The following PRH1 variants were observed in gnomAD, a reference collection of about 807,000 sequenced individuals.
The protein encoded by PRH1 is proline rich protein HaeIII subfamily 1.
In PRH1, 7 loss-of-function variants were observed where a neutral mutation model predicts 7.9. That is an observed-to-expected ratio of 0.89 (90% CI 0.50 to 1.67). PRH1 has a LOEUF of 1.67. Among genes scored for constraint, PRH1 ranks in the 40% most tolerant of loss-of-function variants. PRH1 has a pLI of 0.00. For synonymous variants in PRH1, 45 were observed against 80.8 expected (o/e 0.56, Z 2.38); for missense variants, 109 against 223.6 (o/e 0.49, Z 3.27).
chr12:10,986,389 ATTC>A, intron 1 of PRH1: 1 of 1,614,086 alleles, frequency 6.2e-7, no homozygotes, highest in Non-Finnish European at 8.5e-7. Context: ...TTTCCTTCAT[ATTC>A]TTCTGCCCAC....
In PRH1 at chr12:11,043,963, C is replaced by G. The variant is rs184191730; in HGVS notation, c.-126+3057G>C. Among the ~76,000 whole-genome samples the G allele has an allele frequency of 1.1e-4, 17 of 152,148 alleles. No homozygotes were observed. In the East Asian group the frequency reaches 3.3e-3, roughly 29 times the overall value. The stretch of plus-strand genomic sequence containing the variant: ...CAATCCTAAAATTTATATGGAGCCA[C>G]AACTGACCCAGAATAGCCAAAAGTA... On this transcript the variant is annotated intron_variant, in intron 1 of 3. Transcript: ENST00000539853.
chr12:11,110,772 T>C (rs891125549), intron 1 of PRH1, among the ~76,000 whole-genome samples: 1 of 152,142 alleles, frequency 6.6e-6, no homozygotes, highest in East Asian at 1.9e-4. Flanking sequence ...CCAGCTAGCA[T>C]CATAATTATA....
chr12:11,124,821 A>G (rs1245494583), intron 1 of PRH1, among the ~76,000 whole-genome samples: 1 of 152,004 alleles, frequency 6.6e-6, no homozygotes, highest in Non-Finnish European at 1.5e-5. Context: ...GTGGGAGAAC[A>G]CTATTATTCT....
intron 1 of PRH1, chr12:10,997,084 G>A (rs1940293810): frequency 1.9e-6 from 3 of 1,613,900 alleles, no homozygotes; most frequent in African/African-American, 1.3e-5. Flanking sequence ...CAAAAGCTTG[G>A]CAAAGCATTA....
intron 1 of PRH1, among the ~76,000 whole-genome samples, chr12:11,017,913 C>T (rs1040339753): frequency 6.6e-6 from 1 of 152,114 alleles, no homozygotes; most frequent in African/African-American, 2.4e-5. Flanking sequence ...GAGGATATTG[C>T]TCTGATGTGT....
chr12:11,171,339 G>T (rs1947836710), intron 1 of PRH1: 1 of 1,229,618 alleles, frequency 8.1e-7, no homozygotes, highest in Non-Finnish European at 1.0e-6. Context: ...ACGCTGGGCG[G>T]GCGGCGACAC....
intron 1 of PRH1, among the ~76,000 whole-genome samples, chr12:11,033,471 G>C (rs1290350188): frequency 6.6e-6 from 1 of 152,320 alleles, no homozygotes; most frequent in East Asian, 1.9e-4. Context: ...TTCTCCTGCA[G>C]AGAAACATAA....
intron 1 of PRH1, among the ~76,000 whole-genome samples, chr12:11,168,259 AG>A (rs1366451614): frequency 2.5e-5 from 1 of 39,892 alleles, no homozygotes; most frequent in African/African-American, 7.3e-5. Flanking sequence ...AAAGAAAGAA[AG>A]AAAGAAAGAA....
intron 2 of PRH1, among the ~76,000 whole-genome samples, chr12:10,910,340 TG>T (rs1949878719): frequency 6.6e-6 from 1 of 152,140 alleles, no homozygotes; most frequent in Admixed American, 6.6e-5. Context: ...TAATAAAAGT[TG>T]CCAGGGGTTG....
chr12:11,029,755 T>C (rs1032543473), intron 1 of PRH1, among the ~76,000 whole-genome samples: 15 of 152,238 alleles, frequency 9.9e-5, no homozygotes, highest in African/African-American at 2.7e-4. Context: ...GTACCGCTTA[T>C]GGTAGACATA....
At chr12:11,088,454 G>GA (rs1944782164) in intron 1 of PRH1, among the ~76,000 whole-genome samples, 1 of 105,088 alleles carries the variant, frequency 9.5e-6, no homozygotes, top group South Asian at 2.6e-4. Flanking sequence ...AATACCAGAA[G>GA]AAAAGAAATC....
At chr12:10,996,312 G>A (rs1423883737) in intron 1 of PRH1, among the ~76,000 whole-genome samples, 1 of 151,388 alleles carries the variant, frequency 6.6e-6, no homozygotes, top group Non-Finnish European at 1.5e-5. Flanking sequence ...CTGGACAACA[G>A]GGCAAGACTC....
upstream of PRH1, chr12:11,171,572 C>CT (rs1947847558): frequency 8.1e-7 from 1 of 1,231,926 alleles, no homozygotes; most frequent in Non-Finnish European, 1.0e-6. Context: ...AGAGCCATGA[C>CT]TAAGCTAACG....
chr12:10,959,761 C>T (rs971735547), intron 2 of PRH1, among the ~76,000 whole-genome samples: 3 of 152,066 alleles, frequency 2.0e-5, no homozygotes, highest in African/African-American at 7.3e-5. Context: ...GATGAATAAT[C>T]AGCCTTATTC....
upstream of PRH1, among the ~76,000 whole-genome samples, chr12:11,051,996 G>A (rs1283716067): frequency 6.6e-6 from 1 of 152,236 alleles, no homozygotes; most frequent in East Asian, 1.9e-4. Flanking sequence ...ATAGCTGGGT[G>A]TAGAATTACA....
At chr12:10,994,190 T>C (rs1337044307) in intron 1 of PRH1, among the ~76,000 whole-genome samples, 3 of 152,160 alleles carry the variant, frequency 2.0e-5, no homozygotes, top group Admixed American at 6.5e-5. Context: ...CTGACCCACA[T>C]CACCCTTCCA....
chr12:11,093,033 C>T (rs1944977910), intron 1 of PRH1, among the ~76,000 whole-genome samples: 1 of 116,062 alleles, frequency 8.6e-6, no homozygotes, highest in Non-Finnish European at 2.0e-5. Context: ...GACCTGAATC[C>T]TCATTTGCTA....
upstream of PRH1, among the ~76,000 whole-genome samples, chr12:11,047,798 T>C (rs186172181): frequency 7.2e-5 from 11 of 152,270 alleles, no homozygotes; most frequent in East Asian, 1.7e-3. Context: ...ATTTGCTTTA[T>C]AATAAATATA....
intron 1 of PRH1, among the ~76,000 whole-genome samples, chr12:11,054,457 GCAGT>G (rs1189267406): frequency 5.3e-5 from 8 of 152,148 alleles, no homozygotes; most frequent in African/African-American, 1.9e-4. Context: ...TTTTATTACA[GCAGT>G]CAAAGTAGTT....
Sources: allele counts gnomAD v4.1 joint callset (sites outside exome capture counted in the v4.1 genomes callset), GRCh38; gene constraint gnomAD v4.1.1; transcripts MANE v1.5; gene names NCBI Gene and HGNC (gene_info 2026-07-23, HGNC 2026-07-21).